The following ALPL variants were observed in gnomAD, a reference collection of about 807,000 sequenced individuals.
ALPL encodes the protein alkaline phosphatase, biomineralization associated.
A neutral mutation model predicts 51.3 loss-of-function variants in ALPL; 42 were observed. The observed-to-expected ratio is 0.82, with a 90% CI of 0.64 to 1.06. The LOEUF (loss-of-function observed/expected upper bound fraction) is 1.06. Ranked by LOEUF, ALPL falls within the 50% of genes least tolerant of loss-of-function variation. ALPL has a pLI of 0.00. For synonymous variants in ALPL, 279 were observed against 296.4 expected (o/e 0.94, Z 0.60); for missense variants, 589 against 709.4 (o/e 0.83, Z 1.93).
chr1:21,570,258 G>T (rs373874284), intron 7 of ALPL, 47 bp from the exon 8 acceptor site: 2 of 1,591,706 alleles, frequency 1.3e-6, no homozygotes, highest in East Asian at 2.2e-5. Flanking sequence ...CAGTCCTTCC[G>T]ACTCTCCCTA....
At chr1:21,557,273 A>G (rs573460024) in intron 2 of ALPL, among the ~76,000 whole-genome samples, 65 of 152,184 alleles carry the variant, frequency 4.3e-4, no homozygotes, top group Non-Finnish European at 1.5e-4. Context: ...TGGGAATCAC[A>G]TGGGATAGTC....
At chr1:21,537,418 G>A (rs1459973520) in intron 1 of ALPL, among the ~76,000 whole-genome samples, 3 of 152,126 alleles carry the variant, frequency 2.0e-5, no homozygotes, top group Non-Finnish European at 2.9e-5. Context: ...TTTGTGGAGC[G>A]GGCACTCTGT....
chr1:21,530,650 G>C (rs1644015250), intron 1 of ALPL, among the ~76,000 whole-genome samples: 1 of 152,108 alleles, frequency 6.6e-6, no homozygotes, highest in Admixed American at 6.6e-5. Context: ...TATATGCCTA[G>C]GTCAGAATTC....
chr1:21,524,278 A>G (rs1008481282), intron 1 of ALPL, among the ~76,000 whole-genome samples: 1 of 152,140 alleles, frequency 6.6e-6, no homozygotes, highest in African/African-American at 2.4e-5. Context: ...CTGGAATTAC[A>G]GGCATGAGCT....
intron 1 of ALPL, among the ~76,000 whole-genome samples, chr1:21,545,215 G>A (rs528536422): frequency 6.6e-6 from 1 of 152,244 alleles, no homozygotes; most frequent in Admixed American, 6.5e-5. Flanking sequence ...TAAACTATAA[G>A]AAATAGAGGT....
At chr1:21,543,562 T>G (rs1332918277) in intron 1 of ALPL, among the ~76,000 whole-genome samples, 1 of 152,060 alleles carries the variant, frequency 6.6e-6, no homozygotes, top group Non-Finnish European at 1.5e-5. Flanking sequence ...ACTACAGCCT[T>G]GGCGACAAGA....
chr1:21,519,277 G>T (rs1055966506), intron 1 of ALPL, among the ~76,000 whole-genome samples: 1 of 152,208 alleles, frequency 6.6e-6, no homozygotes, highest in Non-Finnish European at 1.5e-5. Flanking sequence ...CCCACACCTG[G>T]GGTGGGCCCT....
At chr1:21,526,200 C>T (rs1011185690) in intron 1 of ALPL, among the ~76,000 whole-genome samples, 2 of 151,976 alleles carry the variant, frequency 1.3e-5, no homozygotes, top group Admixed American at 6.6e-5. Context: ...AGTGCCATAG[C>T]GCCATCTCGG....
At chr1:21,561,446 G>C (rs2148153180) in intron 4 of ALPL, among the ~76,000 whole-genome samples, 1 of 152,286 alleles carries the variant, frequency 6.6e-6, no homozygotes, top group South Asian at 2.1e-4. Flanking sequence ...CTGCAGTGCA[G>C]TGGTGCAGTC....
chr1:21,574,158 T>G (rs568078803), intron 9 of ALPL: 1 of 985,358 alleles, frequency 1.0e-6, no homozygotes. Flanking sequence ...TTTCCCACGC[T>G]GTGTGCTGAT....
intron 8 of ALPL, among the ~76,000 whole-genome samples, chr1:21,572,515 G>C (rs1277313830): frequency 6.6e-6 from 1 of 152,176 alleles, no homozygotes; most frequent in African/African-American, 2.4e-5. Flanking sequence ...GCATACAAAG[G>C]CTAGTGTGGG....
chr1:21,554,535 A>G (rs1362731722), intron 2 of ALPL, among the ~76,000 whole-genome samples: 1 of 149,262 alleles, frequency 6.7e-6, no homozygotes, highest in Non-Finnish European at 1.5e-5. Flanking sequence ...CTGTTGCCCA[A>G]GCTAGAGTGC....
intron 1 of ALPL, among the ~76,000 whole-genome samples, chr1:21,528,794 G>T (rs1274282985): frequency 6.6e-6 from 1 of 150,454 alleles, no homozygotes. Flanking sequence ...TCAGGGCCGG[G>T]CGTCGTGGCT....
intron 1 of ALPL, among the ~76,000 whole-genome samples, chr1:21,546,787 G>A (rs964336279): frequency 6.6e-6 from 1 of 152,236 alleles, no homozygotes; most frequent in African/African-American, 2.4e-5. Flanking sequence ...TGCAAATGGG[G>A]ATACTAGTCC....
At chr1:21,563,997 C>T (rs775254567) in intron 5 of ALPL, 44 bp from the exon 6 acceptor site, 20 of 1,608,406 alleles carry the variant, frequency 1.2e-5, no homozygotes, top group Non-Finnish European at 1.6e-5. Flanking sequence ...TCTGGGACAC[C>T]CCGATCTGTG....
intron 1 of ALPL, among the ~76,000 whole-genome samples, chr1:21,511,190 G>A (rs537011591): frequency 1.4e-3 from 210 of 152,314 alleles, no homozygotes; most frequent in Non-Finnish European, 2.6e-3. Context: ...ATTCTTTCAG[G>A]CTTTGAAACT....
At chr1:21,560,535 A>T in intron 2 of ALPL, 91 bp from the exon 3 acceptor site, 2 of 1,539,788 alleles carry the variant, frequency 1.3e-6, no homozygotes, top group Non-Finnish European at 1.8e-6. Flanking sequence ...CAGGCATTCC[A>T]GCCTGAGCAA....
At position 21,577,407 on chromosome 1, in the gene ALPL, C is replaced by G. The variant is rs1469961928; in HGVS notation, c.1334C>G (p.Ser445Cys). The G allele has an allele frequency of 6.2e-7, 1 of 1,613,194 alleles. No individual in the cohort carries two copies. Among genetic ancestry groups the G allele is most frequent in the East Asian group, 2.2e-5 (1 of 44,888 alleles). Residue 445 changes from serine (S) to cysteine (C), a missense_variant, in exon 12 of 12, where the codon TCT (serine) becomes TGT (cysteine). Coordinates refer to ENST00000374840, the MANE Select transcript of ALPL (RefSeq NM_000478.6). Reference protein sequence around the residue: ...DYAHNNYQAQSAVPLRHETHG... With the variant: ...DYAHNNYQAQCAVPLRHETHG... ...GCTCACAACAACTACCAGGCGCAGT[C>G]TGCTGTGCCCCTGCGCCACGAGACC...
chr1:21,551,719 G>GTT (rs397861981), intron 1 of ALPL, among the ~76,000 whole-genome samples: 3,519 of 61,346 alleles, frequency 0.057, 808 homozygotes, highest in East Asian at 0.3. Flanking sequence ...AGCTTGCGTG[G>GTT]TTTTTTTTTT....
Sources: allele counts gnomAD v4.1 joint callset (sites outside exome capture counted in the v4.1 genomes callset), GRCh38; gene constraint gnomAD v4.1.1; transcripts MANE v1.5; gene names NCBI Gene and HGNC (gene_info 2026-07-23, HGNC 2026-07-21).